Variants in FAM13A observed in about 807,000 individuals in gnomAD.
FAM13A encodes protein FAM13A.
In FAM13A, 76 loss-of-function variants were observed where a neutral mutation model predicts 129.6. The observed-to-expected ratio is 0.59, with a 90% CI of 0.49 to 0.71. The LOEUF is 0.71. Ranked by LOEUF, FAM13A falls within the 30% of genes least tolerant of loss-of-function variation. The pLI is 0.00. For missense variants in FAM13A, 1,108 were observed against 1,249.3 expected, an observed-to-expected ratio of 0.89 and a Z score of 1.70; for synonymous variants, 443 against 449.9, an observed-to-expected ratio of 0.98 and a Z score of 0.20.
At position 88,728,288 on chromosome 4, in the gene FAM13A, CGCATGT is replaced by C. The variant is rs1467407282; in HGVS notation, c.*239_*244del. The C allele has an allele frequency of 9.1e-6, 5 of 546,870 alleles. No individual in the cohort carries two copies. Among genetic ancestry groups the C allele is most frequent in the Non-Finnish European group, 1.3e-5 (4 of 303,670 alleles). 33.9% of individuals were successfully genotyped at this position (546,870 alleles called of 1,614,324 possible). A position where few individuals can be genotyped will look rare whatever the true frequency, so the allele number is the denominator to read the frequency against. On this transcript the variant is annotated 3_prime_UTR_variant, in exon 24 of 24. Coordinates refer to ENST00000264344, the MANE Select transcript of FAM13A (RefSeq NM_014883.4). ...GTGTGTGTGTGCGTGCATGCGCGTGCGCATGTGCACATACTGCAGTCTTGACTTTCC... is the reference window on the plus strand; with the variant it reads ...GTGTGTGTGTGCGTGCATGCGCGTGCGCACATACTGCAGTCTTGACTTTCC...
At chr4:88,891,644 T>C (rs971791572) in intron 6 of FAM13A, among the ~76,000 whole-genome samples, 1 of 152,140 alleles carries the variant, frequency 6.6e-6, no homozygotes, top group Non-Finnish European at 1.5e-5. Context: ...ACAATCTTGG[T>C]TGAAGGTTAG....
chr4:88,912,366 A>C (rs1561315229), intron 5 of FAM13A, among the ~76,000 whole-genome samples: 1 of 151,546 alleles, frequency 6.6e-6, no homozygotes. Context: ...GGACATTAAA[A>C]CTCCAGGTTC....
chr4:88,754,515 C>T (rs529120911), intron 14 of FAM13A, among the ~76,000 whole-genome samples: 26 of 152,254 alleles, frequency 1.7e-4, no homozygotes, highest in African/African-American at 6.0e-4. Flanking sequence ...TTCCACATTC[C>T]CTTTCCAACT....
intron 1 of FAM13A, among the ~76,000 whole-genome samples, chr4:89,050,911 G>C (rs1362410016): frequency 1.3e-5 from 2 of 152,026 alleles, no homozygotes; most frequent in Non-Finnish European, 2.9e-5. Context: ...CTGGGCAACA[G>C]AGCAAGACTT....
intron 19 of FAM13A, among the ~76,000 whole-genome samples, chr4:88,745,340 C>T (rs1741098252): frequency 6.6e-6 from 1 of 152,160 alleles, no homozygotes; most frequent in African/African-American, 2.4e-5. Flanking sequence ...TTCTACGTGT[C>T]TGACCCAGTC....
At chr4:88,880,792 G>A (rs1295531556) in intron 6 of FAM13A, among the ~76,000 whole-genome samples, 2 of 135,010 alleles carry the variant, frequency 1.5e-5, no homozygotes, top group Admixed American at 7.3e-5. Context: ...GCGGGGGGGG[G>A]GGGGGCACAG....
In FAM13A at chr4:88,727,276, A is replaced by AC. The variant is rs1412582810; in HGVS notation, c.*1256_*1257insG. 6.6e-6 allele frequency: 1 copy of AC among 152,660 alleles called. No individual in the cohort carries two copies. The highest frequency in any genetic ancestry group is 2.4e-5 in the African/African-American group (1 of 41,458). 9.5% of individuals were successfully genotyped at this position (152,660 alleles called of 1,614,324 possible). ...ACTGTCCTTGGCGCAGGAGTTAAAA[A>AC]AGTAACAGCAAATCATGAGGTGACA... On this transcript the variant is annotated 3_prime_UTR_variant, in exon 24 of 24. Transcript: ENST00000264344.
chr4:88,801,823 T>A (rs969127305), intron 8 of FAM13A, among the ~76,000 whole-genome samples: 1 of 151,892 alleles, frequency 6.6e-6, no homozygotes, highest in Non-Finnish European at 1.5e-5. Flanking sequence ...ATGAAAGTGG[T>A]GTAGGGGAGG....
At chr4:88,923,785 A>G (rs1260563020) in intron 5 of FAM13A, among the ~76,000 whole-genome samples, 3 of 152,150 alleles carry the variant, frequency 2.0e-5, no homozygotes, top group South Asian at 4.2e-4. Context: ...AGATGACATG[A>G]TTGTATATCT....
intron 3 of FAM13A, among the ~76,000 whole-genome samples, chr4:89,007,592 G>A (rs1398891565): frequency 6.6e-6 from 1 of 152,174 alleles, no homozygotes; most frequent in Non-Finnish European, 1.5e-5. Flanking sequence ...GAAACTGTGA[G>A]AGAAGATACA....
At chr4:88,901,190 T>C (rs987139720) in intron 6 of FAM13A, among the ~76,000 whole-genome samples, 6 of 152,058 alleles carry the variant, frequency 3.9e-5, no homozygotes, top group Admixed American at 1.3e-4. Flanking sequence ...CTCACAATAA[T>C]AGTAGGAGCT....
Position 88,731,444 on chromosome 4 carries a change from C to T in FAM13A, c.2844-16G>A, listed in dbSNP as rs1176506371. 1 of 1,435,218 alleles carries T rather than the reference C, an allele frequency of 7.0e-7. No individual in the cohort carries two copies. Among genetic ancestry groups the T allele is most frequent in the South Asian group, 1.2e-5 (1 of 85,134 alleles). 88.9% of individuals were successfully genotyped at this position (1,435,218 alleles called of 1,614,324 possible). A position where few individuals can be genotyped will look rare whatever the true frequency, so the allele number is the denominator to read the frequency against. On this transcript the variant is annotated splice_polypyrimidine_tract_variant and intron_variant, in intron 22 of 23. Transcript: ENST00000264344. ...GAGTTCAGGTCTAAGAGAGAGGAAGCATTGCAAGGAAATTAAGTTAAATTT... is the reference window on the plus strand; with the variant it reads ...GAGTTCAGGTCTAAGAGAGAGGAAGTATTGCAAGGAAATTAAGTTAAATTT...
chr4:88,992,429 C>T (rs1763033298), intron 3 of FAM13A, among the ~76,000 whole-genome samples: 1 of 152,148 alleles, frequency 6.6e-6, no homozygotes, highest in Non-Finnish European at 1.5e-5. Flanking sequence ...CACCACCATG[C>T]CCGGCTAATT....
At chr4:88,929,340 T>C (rs1374154634) in intron 5 of FAM13A, among the ~76,000 whole-genome samples, 2 of 152,194 alleles carry the variant, frequency 1.3e-5, no homozygotes, top group Admixed American at 1.3e-4. Context: ...CACTTTTACT[T>C]TAGACATTCT....
chr4:89,054,785 T>C (rs940906751), intron 1 of FAM13A, among the ~76,000 whole-genome samples: 3 of 152,198 alleles, frequency 2.0e-5, no homozygotes, highest in African/African-American at 7.2e-5. Flanking sequence ...CTCCAAGAGA[T>C]TGGCTGGGAG....
At chr4:88,823,281 G>A (rs1003965655) in intron 7 of FAM13A, 40 of 1,241,770 alleles carry the variant, frequency 3.2e-5, no homozygotes, top group Admixed American at 4.1e-5. Context: ...CTGAACCACC[G>A]GGCCAATCAG....
intron 8 of FAM13A, among the ~76,000 whole-genome samples, chr4:88,792,869 A>G (rs979372935): frequency 1.3e-5 from 2 of 151,988 alleles, no homozygotes; most frequent in Non-Finnish European, 2.9e-5. Flanking sequence ...TTCATTTTCC[A>G]TGAAGGGAGG....
At position 88,838,509 on chromosome 4, in the gene FAM13A, G is replaced by A. The variant is rs187300274; in HGVS notation, c.1007+12511C>T. On this transcript the variant is annotated intron_variant, in intron 7 of 23. Coordinates refer to ENST00000264344, the MANE Select transcript of FAM13A (RefSeq NM_014883.4). Reference sequence around the variant, plus strand: ...TCCCAGCACTTTGGGATGCCGAGGCGGGCGGATCACGAGGTCAGGAGATGG... The same window carrying A: ...TCCCAGCACTTTGGGATGCCGAGGCAGGCGGATCACGAGGTCAGGAGATGG... Among the ~76,000 whole-genome samples, 211 of 152,128 alleles carry A rather than the reference G, an allele frequency of 1.4e-3. No individual in the cohort carries two copies. The Middle Eastern group carries it at 0.017, about 12-fold the overall frequency.
At chr4:88,747,429 T>C (rs1000741786) in intron 18 of FAM13A, among the ~76,000 whole-genome samples, 2 of 152,258 alleles carry the variant, frequency 1.3e-5, no homozygotes, top group African/African-American at 2.4e-5. Context: ...CAATAGAGTT[T>C]TGTTTTCAAT....
Sources: allele counts gnomAD v4.1 joint callset (sites outside exome capture counted in the v4.1 genomes callset), GRCh38; gene constraint gnomAD v4.1.1; transcripts MANE v1.5; gene names NCBI Gene and HGNC (gene_info 2026-07-23, HGNC 2026-07-21).